Variants in NRG1 observed in about 807,000 individuals in gnomAD.
The protein encoded by NRG1 is neuregulin 1.
A neutral mutation model predicts 63.8 loss-of-function variants in NRG1; 18 were observed. The ratio of observed to expected loss-of-function variants is 0.28; its 90% CI spans 0.19 to 0.42. The LOEUF (loss-of-function observed/expected upper bound fraction) is 0.42. NRG1 is among the 10% of genes least tolerant of loss of function. The probability of loss-of-function intolerance (pLI) is 1.00; values close to 1 mark genes in which losing one functional copy is unlikely to be tolerated. For synonymous variants in NRG1, 302 were observed against 301.3 expected (o/e 1.00, Z -0.02); for missense variants, 762 against 814.7 (o/e 0.94, Z 0.79).
intron 1 of NRG1, among the ~76,000 whole-genome samples, chr8:32,372,574 G>C (rs1809046763): frequency 6.6e-6 from 1 of 152,144 alleles, no homozygotes; most frequent in Non-Finnish European, 1.5e-5. Context: ...TTGCGGGCGG[G>C]ATAGGGGAAG....
chr8:32,277,824 C>T (rs909171607), intron 1 of NRG1, among the ~76,000 whole-genome samples: 5 of 152,138 alleles, frequency 3.3e-5, no homozygotes, highest in African/African-American at 7.2e-5. Context: ...TTTGAGAAAC[C>T]CTGGCCTTCT....
At chr8:31,694,683 AG>A (rs1287670328) in intron 1 of NRG1, among the ~76,000 whole-genome samples, 1 of 152,226 alleles carries the variant, frequency 6.6e-6, no homozygotes, top group Non-Finnish European at 1.5e-5. Context: ...AATGGGGCAT[AG>A]GGACATTTGC....
chr8:31,766,156 C>T (rs907309315), intron 1 of NRG1, among the ~76,000 whole-genome samples: 1 of 152,174 alleles, frequency 6.6e-6, no homozygotes, highest in African/African-American at 2.4e-5. Context: ...AACACACACA[C>T]ACATTAACAT....
intron 1 of NRG1, among the ~76,000 whole-genome samples, chr8:31,837,702 T>G (rs530575640): frequency 6.6e-6 from 1 of 152,236 alleles, no homozygotes; most frequent in South Asian, 2.1e-4. Context: ...GATCAGTTTT[T>G]CTAGATTCTA....
intron 1 of NRG1, among the ~76,000 whole-genome samples, chr8:31,930,311 A>T (rs1834757726): frequency 1.3e-5 from 2 of 152,354 alleles, no homozygotes; most frequent in South Asian, 4.1e-4. Flanking sequence ...TTATTGATTA[A>T]GGAAATTCCT....
At chr8:31,905,239 C>A (rs1832428885) in intron 1 of NRG1, among the ~76,000 whole-genome samples, 1 of 152,084 alleles carries the variant, frequency 6.6e-6, no homozygotes, top group Non-Finnish European at 1.5e-5. Flanking sequence ...CAGTAAGCTC[C>A]TTTTCCACAA....
chr8:32,755,749 A>ATTT (rs112433027), intron 8 of NRG1, among the ~76,000 whole-genome samples: 1,647 of 147,452 alleles, frequency 0.011, 24 homozygotes, highest in African/African-American at 0.039. Flanking sequence ...TCTACAGCAC[A>ATTT]TTTTTTTTTT....
chr8:32,768,608 T>G (rs1831596070), downstream of NRG1, among the ~76,000 whole-genome samples: 1 of 152,252 alleles, frequency 6.6e-6, no homozygotes, highest in Non-Finnish European at 1.5e-5. Flanking sequence ...GAGAAAATTC[T>G]CATATTCTAA....
intron 1 of NRG1, among the ~76,000 whole-genome samples, chr8:32,072,067 C>T (rs1825829407): frequency 6.6e-6 from 1 of 152,026 alleles, no homozygotes; most frequent in Non-Finnish European, 1.5e-5. Flanking sequence ...AGATATGCCA[C>T]ATAACCATAA....
At chr8:32,028,792 G>A (rs1187924057) in intron 1 of NRG1, among the ~76,000 whole-genome samples, 1 of 152,086 alleles carries the variant, frequency 6.6e-6, no homozygotes, top group Non-Finnish European at 1.5e-5. Context: ...TTCCTGCAGT[G>A]GAAAGGGGAA....
chr8:32,614,616 T>C, intron 4 of NRG1, 52 bp downstream of exon 4: 1 of 1,553,804 alleles, frequency 6.4e-7, no homozygotes, highest in Non-Finnish European at 8.9e-7. Flanking sequence ...CAACCATAAC[T>C]GCTGGCTGCT....
intron 1 of NRG1, among the ~76,000 whole-genome samples, chr8:31,950,378 T>C (rs1803275702): frequency 6.6e-6 from 1 of 152,188 alleles, no homozygotes; most frequent in African/African-American, 2.4e-5. Context: ...TCATATTGTT[T>C]GGGAAATTTA....
At chr8:32,431,396 A>C (rs1818131879) in intron 1 of NRG1, among the ~76,000 whole-genome samples, 1 of 152,100 alleles carries the variant, frequency 6.6e-6, no homozygotes, top group Non-Finnish European at 1.5e-5. Flanking sequence ...GGGAAGCCAC[A>C]CGTCCTGGTC....
chr8:32,688,030 C>G (rs891235631), intron 5 of NRG1, among the ~76,000 whole-genome samples: 1 of 152,102 alleles, frequency 6.6e-6, no homozygotes, highest in Admixed American at 6.6e-5. Context: ...AATATCCAAA[C>G]TATATCAGGT....
At chr8:32,084,594 C>G (rs1430214707) in intron 1 of NRG1, among the ~76,000 whole-genome samples, 9 of 152,112 alleles carry the variant, frequency 5.9e-5, no homozygotes. Flanking sequence ...CCATGTGTTA[C>G]TTAAAGATGT....
chr8:32,694,659 A>T (rs1812766970), intron 5 of NRG1, among the ~76,000 whole-genome samples: 1 of 152,210 alleles, frequency 6.6e-6, no homozygotes, highest in East Asian at 1.9e-4. Flanking sequence ...TTGTCCTTTG[A>T]ATTAAGCAGA....
intron 5 of NRG1, among the ~76,000 whole-genome samples, chr8:32,720,676 G>T (rs1424289777): frequency 1.3e-5 from 2 of 152,106 alleles, no homozygotes; most frequent in East Asian, 3.9e-4. Context: ...ACTATGGGAA[G>T]ATACTTTTCT....
intron 1 of NRG1, among the ~76,000 whole-genome samples, chr8:31,997,559 T>C (rs1187732818): frequency 3.9e-5 from 6 of 152,010 alleles, no homozygotes; most frequent in Non-Finnish European, 5.9e-5. Context: ...ATTTTTCACA[T>C]TTAAGTGTGA....
At chr8:32,173,759 G>C (rs563459041) in intron 1 of NRG1, among the ~76,000 whole-genome samples, 4,374 of 152,142 alleles carry the variant, frequency 0.029, 180 homozygotes, top group African/African-American at 0.099. Context: ...ATTACATAAT[G>C]GTAAAGGGAT....
Sources: gnomAD v4.1 joint callset for allele counts (sites outside exome capture counted in the v4.1 genomes callset) on GRCh38, gnomAD v4.1.1 for gene constraint, MANE v1.5 for transcripts, NCBI Gene and HGNC (gene_info 2026-07-23, HGNC 2026-07-21) for gene names.